The following RPH3A variants were observed in gnomAD, a reference collection of about 807,000 sequenced individuals.
The protein encoded by RPH3A is rabphilin-3A.
RPH3A carries 48 observed loss-of-function variants against 102.2 expected under a neutral mutation model. That is an observed-to-expected ratio of 0.47 (90% CI 0.37 to 0.60). The LOEUF is 0.60. Among genes scored for constraint, RPH3A ranks in the 20% least tolerant of loss-of-function variants. RPH3A has a pLI of 0.00. For missense variants in RPH3A, 781 were observed against 910.1 expected (o/e 0.86, Z 1.83); for synonymous variants, 310 against 324.3 (o/e 0.96, Z 0.47).
intron 1 of RPH3A, among the ~76,000 whole-genome samples, chr12:112,602,804 A>G (rs2135969652): frequency 6.6e-6 from 1 of 152,272 alleles, no homozygotes; most frequent in Admixed American, 6.5e-5. Context: ...GAGAGAAAAA[A>G]AAAGAGTAGG....
chr12:112,594,778 C>T (rs1440440437), intron 1 of RPH3A, among the ~76,000 whole-genome samples: 1 of 152,114 alleles, frequency 6.6e-6, no homozygotes, highest in Non-Finnish European at 1.5e-5. Flanking sequence ...GTTTTTGTAT[C>T]CTCATGGATA....
intron 1 of RPH3A, among the ~76,000 whole-genome samples, chr12:112,784,540 A>T (rs1183572923): frequency 6.6e-6 from 1 of 152,230 alleles, no homozygotes; most frequent in Non-Finnish European, 1.5e-5. Flanking sequence ...GTTTTATGAG[A>T]TTCCAGGAAG....
intron 1 of RPH3A, among the ~76,000 whole-genome samples, chr12:112,619,345 G>A (rs746191840): frequency 6.8e-6 from 1 of 147,984 alleles, no homozygotes; most frequent in East Asian, 2.1e-4. Flanking sequence ...AAGTGCAATG[G>A]CACAACCTCA....
chr12:112,883,885 A>G (rs2042965385), intron 16 of RPH3A, among the ~76,000 whole-genome samples: 1 of 151,984 alleles, frequency 6.6e-6, no homozygotes, highest in Admixed American at 6.6e-5. Context: ...TTATTTATCC[A>G]GTTTTATTTA....
chr12:112,832,330 A>G (rs1416232918), intron 3 of RPH3A, among the ~76,000 whole-genome samples: 1 of 152,154 alleles, frequency 6.6e-6, no homozygotes, highest in Non-Finnish European at 1.5e-5. Flanking sequence ...ATTCATTTTA[A>G]TATCTTCTTC....
At chr12:112,749,086 T>C (rs2040768272) in intron 1 of RPH3A, among the ~76,000 whole-genome samples, 1 of 152,182 alleles carries the variant, frequency 6.6e-6, no homozygotes, top group Non-Finnish European at 1.5e-5. Flanking sequence ...CATTTGCATA[T>C]GATTCTCTCA....
intron 1 of RPH3A, among the ~76,000 whole-genome samples, chr12:112,598,131 G>A (rs1481359043): frequency 1.3e-5 from 2 of 152,214 alleles, no homozygotes; most frequent in South Asian, 2.1e-4. Flanking sequence ...TCCTGCAGAC[G>A]CCTTCTGGGA....
At chr12:112,852,988 G>C (rs568865630) in intron 5 of RPH3A, among the ~76,000 whole-genome samples, 1 of 152,176 alleles carries the variant, frequency 6.6e-6, no homozygotes, top group Non-Finnish European at 1.5e-5. Context: ...AAGTAATTAG[G>C]ATTTGTCATT....
intron 1 of RPH3A, among the ~76,000 whole-genome samples, chr12:112,664,332 G>A (rs1592932428): frequency 6.6e-6 from 1 of 152,166 alleles, no homozygotes; most frequent in South Asian, 2.1e-4. Context: ...TATATTTGGG[G>A]GATTTAAGCA....
At chr12:112,781,407 A>G (rs2041006440) in intron 1 of RPH3A, among the ~76,000 whole-genome samples, 1 of 151,842 alleles carries the variant, frequency 6.6e-6, no homozygotes, top group Non-Finnish European at 1.5e-5. Flanking sequence ...CGACTTTAGA[A>G]CCATCAGCTC....
intron 1 of RPH3A, among the ~76,000 whole-genome samples, chr12:112,716,112 G>T (rs559524505): frequency 6.6e-6 from 1 of 152,154 alleles, no homozygotes; most frequent in African/African-American, 2.4e-5. Context: ...GGTTACTTTT[G>T]TTGCCATCTT....
At chr12:112,699,404 T>C (rs1439488886) in intron 1 of RPH3A, among the ~76,000 whole-genome samples, 1 of 152,340 alleles carries the variant, frequency 6.6e-6, no homozygotes, top group Non-Finnish European at 1.5e-5. Context: ...GGTGAATGGA[T>C]ACATAAATTC....
At chr12:112,685,572 G>A (rs142451412) in intron 1 of RPH3A, among the ~76,000 whole-genome samples, 12 of 152,222 alleles carry the variant, frequency 7.9e-5, no homozygotes, top group South Asian at 4.2e-4. Context: ...TACCTGGTTC[G>A]CTGCCAGAAA....
intron 1 of RPH3A, among the ~76,000 whole-genome samples, chr12:112,689,642 C>T (rs1428320312): frequency 6.6e-6 from 1 of 152,140 alleles, no homozygotes; most frequent in African/African-American, 2.4e-5. Context: ...TGAAATAAGT[C>T]AGGACACAGA....
At chr12:112,801,020 A>G (rs1443446526) in intron 2 of RPH3A, among the ~76,000 whole-genome samples, 2 of 152,012 alleles carry the variant, frequency 1.3e-5, no homozygotes, top group African/African-American at 2.4e-5. Context: ...TGGCTGGATT[A>G]ATCTATCAGC....
intron 4 of RPH3A, among the ~76,000 whole-genome samples, chr12:112,843,423 G>T (rs1260971383): frequency 1.3e-5 from 2 of 152,190 alleles, no homozygotes; most frequent in African/African-American, 4.8e-5. Flanking sequence ...GGTTTGGAAA[G>T]GTGCCAGCAG....
intron 1 of RPH3A, among the ~76,000 whole-genome samples, chr12:112,686,818 T>G: frequency 6.6e-6 from 1 of 152,236 alleles, no homozygotes. Flanking sequence ...GCTCTATACA[T>G]TTTCAGTTTT....
intron 1 of RPH3A, among the ~76,000 whole-genome samples, chr12:112,663,203 C>T (rs1447563696): frequency 6.6e-6 from 1 of 151,716 alleles, no homozygotes; most frequent in Non-Finnish European, 1.5e-5. Flanking sequence ...TAATGTGAGC[C>T]CATAAATTCT....
At chr12:112,732,622 T>G (rs112253295) in intron 1 of RPH3A, among the ~76,000 whole-genome samples, 4 of 152,276 alleles carry the variant, frequency 2.6e-5, no homozygotes, top group African/African-American at 9.6e-5. Flanking sequence ...AATAAGGTAG[T>G]GGGAAACATT....
Sources: gnomAD v4.1 joint callset for allele counts (sites outside exome capture counted in the v4.1 genomes callset) on GRCh38, gnomAD v4.1.1 for gene constraint, MANE v1.5 for transcripts, NCBI Gene and HGNC (gene_info 2026-07-23, HGNC 2026-07-21) for gene names.